Variants in SLC31A2 observed in about 807,000 individuals in gnomAD.
SLC31A2 encodes solute carrier family 31 member 2.
A neutral mutation model predicts 14.4 loss-of-function variants in SLC31A2; 16 were observed. The observed-to-expected ratio is 1.11, with a 90% CI of 0.75 to 1.69. SLC31A2 has a LOEUF of 1.69. Ranked by LOEUF, SLC31A2 falls within the 40% of genes most tolerant of loss-of-function variation. The pLI is 0.00. For synonymous variants in SLC31A2, 56 were observed against 68.7 expected (o/e 0.82, Z 0.91); for missense variants, 140 against 173.9 (o/e 0.81, Z 1.10).
rs3840999 is a variant in SLC31A2 at position 113,164,096 on chromosome 9, AAAAC to A, written c.*1187_*1190del. On this transcript the variant is annotated 3_prime_UTR_variant, in exon 4 of 4. Transcript: ENST00000259392. Reference sequence around the variant, plus strand: ...AGATGGTTGTAAGCTTTGGGAATTAAAAACAAACAAATACATTTTAGTAAATATA... The same window carrying A: ...AGATGGTTGTAAGCTTTGGGAATTAAAAACAAATACATTTTAGTAAATATA... 48,617 of 152,288 alleles carry A rather than the reference AAAAC, an allele frequency of 0.32. 7,909 individuals carry two copies. Among genetic ancestry groups the A allele is most frequent in the Non-Finnish European group, 0.34 (23,155 of 67,884 alleles). The allele number at this position is 152,288 out of a possible 1,614,324, so 9.4% of individuals were successfully genotyped here. A position where few individuals can be genotyped will look rare whatever the true frequency, so the allele number is the denominator to read the frequency against.
chr9:113,159,514 A>T (rs541139496), intron 2 of SLC31A2, among the ~76,000 whole-genome samples: 1 of 152,156 alleles, frequency 6.6e-6, no homozygotes, highest in East Asian at 1.9e-4. Flanking sequence ...TGTTTTAAAA[A>T]CCTGCATCTG....
intron 1 of SLC31A2, among the ~76,000 whole-genome samples, chr9:113,153,052 A>T (rs547063011): frequency 6.6e-6 from 1 of 152,026 alleles, no homozygotes; most frequent in South Asian, 2.1e-4. Context: ...ATGGAGTTTC[A>T]CAGTATTGTT....
chr9:113,157,159 G>T (rs1829944417), intron 1 of SLC31A2, among the ~76,000 whole-genome samples: 1 of 152,242 alleles, frequency 6.6e-6, no homozygotes, highest in South Asian at 2.1e-4. Context: ...ACCAAGGTCA[G>T]AGACATTAAC....
rs553624363 is a variant in SLC31A2, at chr9:113,163,862, C to T, written c.*945C>T. 3.3e-5 allele frequency: 5 copies of T among 152,736 alleles called. No individual in the cohort carries two copies. Among genetic ancestry groups the T allele is most frequent in the South Asian group, 2.1e-4 (1 of 4,820 alleles). The allele number at this position is 152,736 out of a possible 1,614,324, so 9.5% of individuals were successfully genotyped here. ...CTCTATTTATTACTTACTGCTTACTCGTAATGATCTAGTGGGGAAACATGA... is the reference window on the plus strand; with the variant it reads ...CTCTATTTATTACTTACTGCTTACTTGTAATGATCTAGTGGGGAAACATGA... On this transcript the variant is annotated 3_prime_UTR_variant, in exon 4 of 4. Coordinates refer to ENST00000259392, the MANE Select transcript of SLC31A2 (RefSeq NM_001860.3).
chr9:113,163,057 G>A lies in SLC31A2; in HGVS notation c.*140G>A. 2 of 792,828 alleles carry A rather than the reference G, an allele frequency of 2.5e-6. No homozygotes were observed. 49.1% of individuals were successfully genotyped at this position (792,828 alleles called of 1,614,324 possible). A position where few individuals can be genotyped will look rare whatever the true frequency, so the allele number is the denominator to read the frequency against. On this transcript the variant is annotated 3_prime_UTR_variant, in exon 4 of 4. Transcript: ENST00000259392. ...CCCTGGAAACTTTGAGCTGAAGCCA[G>A]CACTTGCTCCCTGGAGTTCGGAAGC...
rs1472196596 is a variant in SLC31A2 at position 113,162,730 on chromosome 9, G to T, written c.264-19G>T. On this transcript the variant is annotated intron_variant, in intron 3 of 3. Transcript: ENST00000259392. ...ACCAGCTCATTACCAGGATTAACTT[G>T]CTTCTCCTTTTTATCTAGGTGGTAT... is the stretch of plus-strand genomic sequence containing the variant. 1 of 1,602,288 alleles carries T rather than the reference G, an allele frequency of 6.2e-7. No homozygotes were observed. Among genetic ancestry groups the T allele is most frequent in the South Asian group, 1.1e-5 (1 of 89,662 alleles).
intron 2 of SLC31A2, among the ~76,000 whole-genome samples, chr9:113,159,518 G>A (rs7467882): frequency 0.07 from 10,675 of 152,166 alleles, 459 homozygotes; most frequent in South Asian, 0.13. Flanking sequence ...TTAAAAACCT[G>A]CATCTGTCAG....
intron 2 of SLC31A2, chr9:113,160,879 T>C (rs1830002204): frequency 6.6e-6 from 1 of 152,254 alleles, no homozygotes; most frequent in Admixed American, 6.5e-5. Context: ...AGAAACAGGA[T>C]ATATATCTCT....
At chr9:113,157,965 A>G (rs1829955617) in intron 2 of SLC31A2, 172 bp downstream of exon 2, 2 of 692,262 alleles carry the variant, frequency 2.9e-6, no homozygotes, top group Non-Finnish European at 5.4e-6. Flanking sequence ...ACTCCCCTTC[A>G]GATCGCAAAG....
At chr9:113,160,132 G>A (rs1451881838) in intron 2 of SLC31A2, among the ~76,000 whole-genome samples, 1 of 152,110 alleles carries the variant, frequency 6.6e-6, no homozygotes, top group East Asian at 1.9e-4. Flanking sequence ...AATCCAGGAG[G>A]TGGAGGTTGC....
At chr9:113,154,061 T>A (rs1277423817) in intron 1 of SLC31A2, among the ~76,000 whole-genome samples, 1 of 152,120 alleles carries the variant, frequency 6.6e-6, no homozygotes, top group Non-Finnish European at 1.5e-5. Flanking sequence ...AACCTCCACC[T>A]CCCGGGCTCA....
At position 113,151,094 on chromosome 9, in the gene SLC31A2, G is replaced by C; in HGVS notation, c.6+14G>C. 1.5e-6 allele frequency: 2 copies of C among 1,305,446 alleles called. No homozygotes were observed. The highest frequency in any genetic ancestry group is 2.0e-6 in the Non-Finnish European group (2 of 1,019,052). The allele number at this position is 1,305,446 out of a possible 1,614,324, so 80.9% of individuals were successfully genotyped here. A position where few individuals can be genotyped will look rare whatever the true frequency, so the allele number is the denominator to read the frequency against. ...CTCACCATGGCGGTAAGGGCCGGGC[G>C]CTACGGTGAAGAGGGTGGGCGGTTG... On this transcript the variant is annotated intron_variant, in intron 1 of 3. Coordinates refer to ENST00000259392, the MANE Select transcript of SLC31A2 (RefSeq NM_001860.3). This position sits in a 1 kb window ranked among gnomAD's most constrained non-coding sequence, Gnocchi z 4.2.
chr9:113,160,071 G>A (rs1156410374), intron 2 of SLC31A2, among the ~76,000 whole-genome samples: 2 of 152,168 alleles, frequency 1.3e-5, no homozygotes, highest in Non-Finnish European at 2.9e-5. Context: ...CAGCTACTTG[G>A]GAGGCTGAGG....
intron 2 of SLC31A2, among the ~76,000 whole-genome samples, chr9:113,160,075 GCTGAGGCAAGATAATTGCTTGAATC>G (rs904860342): frequency 5.9e-5 from 9 of 152,280 alleles, no homozygotes; most frequent in East Asian, 5.8e-4. Flanking sequence ...TACTTGGGAG[GCTGAGGCAAGATAATTGCTTGAATC>G]CTGAGGCAAG....
Position 113,163,054 on chromosome 9 carries a change from C to A in SLC31A2, c.*137C>A. On this transcript the variant is annotated 3_prime_UTR_variant, in exon 4 of 4. Coordinates refer to ENST00000259392, the MANE Select transcript of SLC31A2 (RefSeq NM_001860.3). ...AGCCCCTGGAAACTTTGAGCTGAAG[C>A]CAGCACTTGCTCCCTGGAGTTCGGA... is the stretch of plus-strand genomic sequence containing the variant. 2.5e-6 allele frequency: 2 copies of A among 802,038 alleles called. No individual in the cohort carries two copies. Among genetic ancestry groups the A allele is most frequent in the Non-Finnish European group, 3.7e-6 (2 of 541,838 alleles). The allele number at this position is 802,038 out of a possible 1,614,324, so 49.7% of individuals were successfully genotyped here. A position where few individuals can be genotyped will look rare whatever the true frequency, so the allele number is the denominator to read the frequency against.
intron 1 of SLC31A2, among the ~76,000 whole-genome samples, chr9:113,152,914 A>G (rs11794048): frequency 0.38 from 58,012 of 152,088 alleles, 12,492 homozygotes; most frequent in Non-Finnish European, 0.49. Flanking sequence ...GCCACTAGGG[A>G]CATTCCATTC....
At chr9:113,154,848 G>C (rs1341405667) in intron 1 of SLC31A2, among the ~76,000 whole-genome samples, 1 of 152,150 alleles carries the variant, frequency 6.6e-6, no homozygotes, top group African/African-American at 2.4e-5. Flanking sequence ...CCCCAGACTG[G>C]TCCTTGTTTG....
intron 1 of SLC31A2, among the ~76,000 whole-genome samples, chr9:113,156,566 G>A (rs1009096406): frequency 2.0e-5 from 3 of 152,210 alleles, no homozygotes; most frequent in African/African-American, 7.2e-5. Context: ...CATTGTCTTA[G>A]AAGGCAAAGG....
In SLC31A2 at chr9:113,162,779, AATCC is replaced by A. The variant is rs760006585; in HGVS notation, c.297_300del (p.Ile99MetfsTer15). The A allele has an allele frequency of 1.2e-6, 2 of 1,613,598 alleles. No homozygotes were observed. The highest frequency in any genetic ancestry group is 1.7e-6 in the Non-Finnish European group (2 of 1,179,772). ...ATTTGTGTCACTTTGGCCAGTCTCT[AATCC>A]ATGTCATCCAGGTGGTCATCGGCTA... On this transcript the variant is annotated frameshift_variant, in exon 4 of 4. Coordinates refer to ENST00000259392, the MANE Select transcript of SLC31A2 (RefSeq NM_001860.3). LOFTEE classifies it high-confidence loss of function.
Sources: gnomAD v4.1 joint callset for allele counts (sites outside exome capture counted in the v4.1 genomes callset) on GRCh38, gnomAD v4.1.1 for gene constraint, Gnocchi (gnomAD v3.1) non-coding constraint, MANE v1.5 for transcripts, NCBI Gene and HGNC (gene_info 2026-07-23, HGNC 2026-07-21) for gene names.